The following PRKCQ variants were observed in gnomAD, a reference collection of about 807,000 sequenced individuals.
The protein encoded by PRKCQ is protein kinase C theta.
A neutral mutation model predicts 91.2 loss-of-function variants in PRKCQ; 41 were observed. The ratio of observed to expected loss-of-function variants is 0.45; its 90% CI spans 0.35 to 0.58. The LOEUF (loss-of-function observed/expected upper bound fraction) is 0.58, where lower values mean the gene tolerates loss of function less well. PRKCQ is among the 20% of genes least tolerant of loss of function. The pLI, the probability that PRKCQ is intolerant of heterozygous loss-of-function variation, is 0.00. For synonymous variants in PRKCQ, 307 were observed against 316.9 expected, an observed-to-expected ratio of 0.97 and a Z score of 0.33; for missense variants, 673 against 896.5, an observed-to-expected ratio of 0.75 and a Z score of 3.18.
rs111820579 is a variant in PRKCQ, at chr10:6,446,298, C to T, written c.1648-4217G>A. 3.3e-5 allele frequency among the ~76,000 whole-genome samples: 5 copies of T among 151,124 alleles called. 1 individual carries two copies. The highest frequency in any genetic ancestry group is 1.2e-4 in the African/African-American group (5 of 41,130). ...GGATTTTACCACGTGATGTTCCTTC[C>T]ATAGCATAATGTGCCTCTTGGTTTT... is the stretch of plus-strand genomic sequence containing the variant. On this transcript the variant is annotated intron_variant, in intron 15 of 17. Transcript: ENST00000263125.
At chr10:6,471,378 G>T (rs1335565426) in intron 12 of PRKCQ, among the ~76,000 whole-genome samples, 1 of 152,240 alleles carries the variant, frequency 6.6e-6, no homozygotes, top group Non-Finnish European at 1.5e-5. Context: ...CTGAGCGTCT[G>T]AATGACAAGT....
intron 1 of PRKCQ, among the ~76,000 whole-genome samples, chr10:6,523,023 T>C (rs1483619125): frequency 6.6e-6 from 1 of 150,388 alleles, no homozygotes; most frequent in Admixed American, 6.7e-5. Flanking sequence ...AGAAGAAAGA[T>C]GATAACTAGT....
intron 7 of PRKCQ, among the ~76,000 whole-genome samples, chr10:6,495,146 G>A (rs749900202): frequency 2.6e-5 from 4 of 152,066 alleles, no homozygotes; most frequent in East Asian, 1.9e-4. Flanking sequence ...CAACCTCCCC[G>A]CTTGGAGGAT....
chr10:6,484,159 A>G (rs1009467893), intron 10 of PRKCQ, among the ~76,000 whole-genome samples: 7 of 152,214 alleles, frequency 4.6e-5, no homozygotes, highest in African/African-American at 1.7e-4. Flanking sequence ...CACACATGTA[A>G]TCTGACAACT....
At position 6,547,761 on chromosome 10, in the gene PRKCQ, C is replaced by T. The variant is rs940949388; in HGVS notation, c.-10+32450G>A. Among the ~76,000 whole-genome samples the T allele has an allele frequency of 1.8e-3, 281 of 151,998 alleles. 1 individual carries two copies. Among genetic ancestry groups the T allele is most frequent in the Admixed American group, 3.1e-3 (48 of 15,280 alleles). On this transcript the variant is annotated intron_variant, in intron 1 of 17. Transcript: ENST00000263125. ...ATGGATTAAAGACTTCAACGTTAGA[C>T]CTAAAACCATAAAAACCCTAGAAGA...
chr10:6,488,015 A>T (rs1217127345), intron 8 of PRKCQ, among the ~76,000 whole-genome samples: 1 of 151,620 alleles, frequency 6.6e-6, no homozygotes, highest in African/African-American at 2.4e-5. Context: ...AAAAAAAAAA[A>T]AAAAAAGAAA....
Position 6,508,204 on chromosome 10 carries a change from A to G in PRKCQ, c.319-708T>C, listed in dbSNP as rs571851507. On this transcript the variant is annotated intron_variant, in intron 3 of 17. Transcript: ENST00000263125. Reference sequence around the variant, plus strand: ...TCCCATAAAGTGACATAAGGAGAAGAAAGGACAAATCCAAGTTCAAGACAA... The same window carrying G: ...TCCCATAAAGTGACATAAGGAGAAGGAAGGACAAATCCAAGTTCAAGACAA... Among the ~76,000 whole-genome samples the G allele has an allele frequency of 2.6e-5, 4 of 152,356 alleles. No individual in the cohort carries two copies. The South Asian group carries it at 8.3e-4, about 32-fold the overall frequency.
chr10:6,407,993 T>C, the PRKCQ span, among the ~76,000 whole-genome samples: 11 of 151,796 alleles, frequency 7.2e-5, no homozygotes, highest in Non-Finnish European at 1.6e-4. This position sits in a 1 kb window ranked among gnomAD's most constrained non-coding sequence, Gnocchi z 4.0. Context: ...CATTAATGTT[T>C]AGTAGTATCA....
intron 11 of PRKCQ, 30 bp from the exon 12 acceptor site, chr10:6,479,195 T>C (rs1204525394): frequency 1.2e-6 from 2 of 1,607,536 alleles, no homozygotes; most frequent in African/African-American, 2.7e-5. Flanking sequence ...GTAACTTTAT[T>C]TTAGAATTTG....
chr10:6,464,562 G>A (rs1036094640), intron 12 of PRKCQ, among the ~76,000 whole-genome samples, 158 bp from the exon 13 acceptor site: 5 of 152,090 alleles, frequency 3.3e-5, no homozygotes, highest in African/African-American at 9.7e-5. Flanking sequence ...AGATTCTCCC[G>A]TCAGCCTCCC....
rs1839714260 is a variant in PRKCQ at position 6,539,831 on chromosome 10, A to T, written c.-9-24687T>A. ...TTTCTTGAGTATACTGTGAACACTC[A>T]GTTGTGCATTTAGCAGTGCCCCTGC... On this transcript the variant is annotated intron_variant, in intron 1 of 17. Transcript: ENST00000263125. 2.6e-5 allele frequency among the ~76,000 whole-genome samples: 4 copies of T among 152,188 alleles called. No homozygotes were observed. In the South Asian group the frequency reaches 8.3e-4, roughly 32 times the overall value.
At position 6,444,416 on chromosome 10, in the gene PRKCQ, C is replaced by T. The variant is rs140585028; in HGVS notation, c.1648-2335G>A. Among the ~76,000 whole-genome samples the T allele has an allele frequency of 2.2e-4, 34 of 152,026 alleles. No homozygotes were observed. The East Asian group carries it at 3.7e-3, about 16-fold the overall frequency. On this transcript the variant is annotated intron_variant, in intron 15 of 17. Transcript: ENST00000263125. ...AGTTCAGATGGTAAATTTCATGTTA[C>T]GTGTATTTTCCCACAATTAAAAACA...
intron 12 of PRKCQ, among the ~76,000 whole-genome samples, chr10:6,469,790 T>C (rs61840401): frequency 0.026 from 3,897 of 152,204 alleles, 53 homozygotes; most frequent in Non-Finnish European, 0.04. Context: ...AGTCTGTCAT[T>C]ATAAGGAAAA....
intron 1 of PRKCQ, 44 bp from the exon 2 acceptor site, chr10:6,515,188 G>A (rs747551349): frequency 6.2e-7 from 1 of 1,608,396 alleles, no homozygotes; most frequent in South Asian, 1.1e-5. Context: ...GGCTATAAAA[G>A]ATATTATTTT....
chr10:6,545,945 A>G (rs951102347), intron 1 of PRKCQ, among the ~76,000 whole-genome samples: 2 of 152,138 alleles, frequency 1.3e-5, no homozygotes, highest in Non-Finnish European at 2.9e-5. Context: ...TGGAGGTTGC[A>G]GTGAGCTGAG....
chr10:6,493,970 G>A (rs1275908630), intron 7 of PRKCQ, among the ~76,000 whole-genome samples: 2 of 152,172 alleles, frequency 1.3e-5, no homozygotes, highest in African/African-American at 4.8e-5. Context: ...GGCTGACTCC[G>A]TCAAATTCAA....
chr10:6,532,937 T>C (rs1658425369), intron 1 of PRKCQ, among the ~76,000 whole-genome samples: 1 of 152,266 alleles, frequency 6.6e-6, no homozygotes, highest in Middle Eastern at 3.2e-3. Context: ...TCTAATTTTC[T>C]ATTTTTTTCA....
chr10:6,456,804 T>C lies in PRKCQ; in HGVS notation c.1517A>G (p.Lys506Arg), dbSNP rs1341062893. The C allele has an allele frequency of 6.2e-7, 1 of 1,613,748 alleles. No homozygotes were observed. Among genetic ancestry groups the C allele is most frequent in the Non-Finnish European group, 8.5e-7 (1 of 1,179,870 alleles). The stretch of plus-strand genomic sequence containing the variant: ...TTTGTCTAACAGGATGTTATCTAGC[T>C]TCAGGTCCCTGAAAAACAAAAGTGA... Reference protein sequence around the residue: ...HSKGIVYRDLKLDNILLDKDG... With the variant: ...HSKGIVYRDLRLDNILLDKDG... The change falls in exon 15 of 18, where the codon AAG becomes AGG. Residue 506 changes from lysine (K) to arginine (R), a missense_variant. Lys to Arg is a conservative substitution (Grantham distance 26). Coordinates refer to ENST00000263125, the MANE Select transcript of PRKCQ (RefSeq NM_006257.5).
intron 1 of PRKCQ, among the ~76,000 whole-genome samples, chr10:6,549,563 C>T (rs1840098796): frequency 6.7e-6 from 1 of 149,714 alleles, no homozygotes; most frequent in Admixed American, 6.7e-5. Flanking sequence ...AAAGTAATGA[C>T]AAAAACTGCA....
Sources: allele counts gnomAD v4.1 joint callset (sites outside exome capture counted in the v4.1 genomes callset), GRCh38; gene constraint gnomAD v4.1.1; non-coding constraint Gnocchi (gnomAD v3.1); transcripts MANE v1.5; gene names NCBI Gene and HGNC (gene_info 2026-07-23, HGNC 2026-07-21).